Variants in TCF12 observed in about 807,000 individuals in gnomAD.
TCF12 encodes the protein transcription factor 12.
Under a neutral mutation model 86.0 loss-of-function variants are expected in TCF12, and 45 were observed. That is an observed-to-expected ratio of 0.52 (90% CI 0.41 to 0.67). TCF12 has a LOEUF of 0.67. TCF12 is among the 30% of genes least tolerant of loss of function. The pLI is 0.00. For synonymous variants in TCF12, 330 were observed against 299.6 expected, an observed-to-expected ratio of 1.10 and a Z score of -1.05; for missense variants, 881 against 859.9, an observed-to-expected ratio of 1.02 and a Z score of -0.31.
chr15:57,190,276 GA>G (rs1374043750), intron 6 of TCF12, among the ~76,000 whole-genome samples: 1 of 152,154 alleles, frequency 6.6e-6, no homozygotes, highest in African/African-American at 2.4e-5. Context: ...AAACACCAAA[GA>G]AAAGTCATTT....
chr15:57,184,607 A>G (rs2056556329), intron 6 of TCF12, among the ~76,000 whole-genome samples: 1 of 152,200 alleles, frequency 6.6e-6, no homozygotes, highest in African/African-American at 2.4e-5. Flanking sequence ...TCCTGTTGAA[A>G]TACCAATGAT....
intron 5 of TCF12, among the ~76,000 whole-genome samples, chr15:57,125,148 A>G (rs563403259): frequency 2.0e-5 from 3 of 152,350 alleles, no homozygotes; most frequent in Non-Finnish European, 2.9e-5. Flanking sequence ...TTTCATGCCC[A>G]GGTTCAGCAG....
At chr15:57,071,035 T>G (rs1177088627) in intron 4 of TCF12, among the ~76,000 whole-genome samples, 2 of 152,150 alleles carry the variant, frequency 1.3e-5, no homozygotes, top group Non-Finnish European at 2.9e-5. Context: ...TTCAGTTTCT[T>G]AAATGTTAAA....
At position 57,096,851 on chromosome 15, in the gene TCF12, T is replaced by G. The variant is rs370311220; in HGVS notation, c.325+4960T>G. 6.1e-4 allele frequency among the ~76,000 whole-genome samples: 93 copies of G among 152,328 alleles called. No individual in the cohort carries two copies. The South Asian group carries it at 0.019, about 31-fold the overall frequency. On this transcript the variant is annotated intron_variant, in intron 5 of 20. Transcript: ENST00000333725. ...ACTCATTTAACAGGTTGGGTCTAAT[T>G]GCTCAAGTATATTACTGTCAAACCT...
intron 12 of TCF12, among the ~76,000 whole-genome samples, chr15:57,238,829 A>T (rs969728746): frequency 6.6e-6 from 1 of 152,200 alleles, no homozygotes; most frequent in African/African-American, 2.4e-5. Context: ...TATACAAATA[A>T]TGATAATGTA....
chr15:56,999,932 C>G (rs1191189546), intron 3 of TCF12, among the ~76,000 whole-genome samples: 1 of 152,076 alleles, frequency 6.6e-6, no homozygotes, highest in African/African-American at 2.4e-5. Context: ...AACTCCTGAG[C>G]TCAAGTGATC....
intron 6 of TCF12, among the ~76,000 whole-genome samples, chr15:57,176,958 T>C (rs2055957993): frequency 6.6e-6 from 1 of 152,208 alleles, no homozygotes; most frequent in South Asian, 2.1e-4. Context: ...TAGGGAATTG[T>C]TGGAGTCACG....
At chr15:57,072,627 T>C (rs1312856646) in intron 4 of TCF12, 1 of 1,282,208 alleles carries the variant, frequency 7.8e-7, no homozygotes, top group South Asian at 1.3e-5. Flanking sequence ...AATTTTGAAA[T>C]AGTATTTTAT....
chr15:57,230,015 T>TA (rs1188937718), intron 8 of TCF12, among the ~76,000 whole-genome samples: 2 of 151,910 alleles, frequency 1.3e-5, no homozygotes, highest in African/African-American at 4.8e-5. Context: ...ATGCTTGGGG[T>TA]AAAATATCAA....
At chr15:57,044,619 C>G (rs2067111929) in intron 3 of TCF12, among the ~76,000 whole-genome samples, 1 of 151,354 alleles carries the variant, frequency 6.6e-6, no homozygotes, top group Non-Finnish European at 1.5e-5. Flanking sequence ...TTCAGCCTTG[C>G]TTTTACCCGT....
chr15:57,211,752 A>C (rs1394217779), intron 8 of TCF12, among the ~76,000 whole-genome samples: 2 of 152,174 alleles, frequency 1.3e-5, no homozygotes, highest in African/African-American at 2.4e-5. Flanking sequence ...CCAGGAGTTC[A>C]AGACCAGCCT....
intron 3 of TCF12, among the ~76,000 whole-genome samples, chr15:57,006,780 G>T (rs2064402482): frequency 6.6e-6 from 1 of 151,934 alleles, no homozygotes; most frequent in Admixed American, 6.6e-5. Context: ...AGCGAGTGTG[G>T]TGGCATGCGT....
intron 6 of TCF12, among the ~76,000 whole-genome samples, chr15:57,183,255 C>T (rs2056466179): frequency 6.6e-6 from 1 of 152,166 alleles, no homozygotes; most frequent in Non-Finnish European, 1.5e-5. Context: ...TGTATATACA[C>T]ATTCCTTTTC....
At chr15:57,058,887 G>T (rs1403688220) in intron 3 of TCF12, among the ~76,000 whole-genome samples, 1 of 152,140 alleles carries the variant, frequency 6.6e-6, no homozygotes, top group Admixed American at 6.5e-5. Context: ...AAATCTTGGT[G>T]TTGGTTTTTT....
chr15:57,218,424 A>G (rs2058424362), intron 8 of TCF12, among the ~76,000 whole-genome samples: 1 of 152,222 alleles, frequency 6.6e-6, no homozygotes, highest in Admixed American at 6.5e-5. Flanking sequence ...TGTGTAAGAG[A>G]CACATGTTTT....
In TCF12 at chr15:57,253,395, A is replaced by G; in HGVS notation, c.1394A>G (p.Asn465Ser). Residue 465 changes from asparagine to serine, a missense_variant, in exon 16 of 21, where the codon AAT (asparagine) becomes AGT (serine). By Grantham distance (46) the Asn-to-Ser change is conservative. Around this residue, in one of 3 missense-constraint regions of TCF12, gnomAD observed 766 missense variants for 718.9 expected, o/e 1.07. Transcript: ENST00000333725. Reference sequence around the variant, plus strand: ...CATAGTTTATTGGGACCATCCCATAATGCACCAATTGGAAGCCTCAATTCA... The same window carrying G: ...CATAGTTTATTGGGACCATCCCATAGTGCACCAATTGGAAGCCTCAATTCA... ...DIHSLLGPSH[N>S]APIGSLNSNY... is the part of the protein sequence containing the mutation. 6.2e-7 allele frequency: 1 copy of G among 1,614,104 alleles called. No individual in the cohort carries two copies. Among genetic ancestry groups the G allele is most frequent in the Admixed American group, 1.7e-5 (1 of 60,016 alleles).
intron 5 of TCF12, among the ~76,000 whole-genome samples, chr15:57,163,665 T>G (rs1355668977): frequency 6.6e-6 from 1 of 152,232 alleles, no homozygotes; most frequent in East Asian, 1.9e-4. Flanking sequence ...ATTATGTAAC[T>G]GTGCTCTAGC....
At chr15:56,963,297 C>T (rs2061855598) in intron 3 of TCF12, among the ~76,000 whole-genome samples, 1 of 152,128 alleles carries the variant, frequency 6.6e-6, no homozygotes, top group East Asian at 1.9e-4. Context: ...AAGTATTTTA[C>T]ATCTGGAAAC....
At chr15:57,244,440 G>C (rs1414870104) in intron 13 of TCF12, among the ~76,000 whole-genome samples, 1 of 152,052 alleles carries the variant, frequency 6.6e-6, no homozygotes. Flanking sequence ...AATATTGTTA[G>C]TGGAGATAAG....
Sources: allele counts gnomAD v4.1 joint callset (sites outside exome capture counted in the v4.1 genomes callset), GRCh38; gene constraint gnomAD v4.1.1; regional missense constraint gnomAD v4.1.1; transcripts MANE v1.5; gene names NCBI Gene and HGNC (gene_info 2026-07-23, HGNC 2026-07-21).